The following NSD2 variants were observed in gnomAD, a reference collection of about 807,000 sequenced individuals.
The protein encoded by NSD2 is histone-lysine N-methyltransferase NSD2.
Under a neutral mutation model 139.0 loss-of-function variants are expected in NSD2, and 12 were observed. The ratio of observed to expected loss-of-function variants is 0.09; its 90% confidence interval spans 0.06 to 0.14. NSD2 has a LOEUF of 0.14. Ranked by LOEUF, NSD2 falls within the 10% of genes least tolerant of loss-of-function variation. NSD2 has a pLI of 1.00. For synonymous variants in NSD2, 669 were observed against 648.7 expected, an observed-to-expected ratio of 1.03 and a Z score of -0.48; for missense variants, 1,155 against 1,745.0, an observed-to-expected ratio of 0.66 and a Z score of 6.02.
intron 9 of NSD2, chr4:1,944,797 C>T (rs1405811852): frequency 9.4e-7 from 1 of 1,063,716 alleles, no homozygotes; most frequent in African/African-American, 1.6e-5. Flanking sequence ...TTGGGCCTTT[C>T]CTCAGTGTTC....
intron 5 of NSD2, among the ~76,000 whole-genome samples, chr4:1,925,068 T>C (rs1271286754): frequency 6.6e-6 from 1 of 152,246 alleles, no homozygotes; most frequent in Non-Finnish European, 1.5e-5. Context: ...TTTTCTGTTA[T>C]CGGAAAAGCA....
rs1383971689 is a variant in NSD2 at position 1,958,604 on chromosome 4, C to A, written c.2985+568C>A. ...GCCGCATCCCCAGGAGCCTCGTGGC[C>A]GTTCCTGACGAGTGTTTGTGATAAG... is the stretch of plus-strand genomic sequence containing the variant. On this transcript the variant is annotated intron_variant, in intron 16 of 21. Transcript: ENST00000508803. This position sits in a 1 kb window ranked among gnomAD's most constrained non-coding sequence, Gnocchi z 4.6. Among the ~76,000 whole-genome samples, 155 of 152,256 alleles carry A rather than the reference C, an allele frequency of 1.0e-3. 1 individual carries two copies. Among genetic ancestry groups the A allele is most frequent in the Non-Finnish European group, 2.8e-4 (19 of 68,038 alleles).
chr4:1,966,588 C>T (rs1012535452), intron 18 of NSD2, among the ~76,000 whole-genome samples: 2 of 148,872 alleles, frequency 1.3e-5, no homozygotes, highest in East Asian at 2.0e-4. Context: ...ACCCGGGAGG[C>T]GGAACTTGCA....
At chr4:1,945,114 G>T in intron 9 of NSD2, 1 of 1,066,412 alleles carries the variant, frequency 9.4e-7, no homozygotes, top group Non-Finnish European at 1.1e-6. Flanking sequence ...GAGGATCTCC[G>T]AGAGGTCCCC....
Position 1,956,079 on chromosome 4 carries a change from G to A in NSD2, c.2772G>A (p.Gly924=). The change falls in exon 15 of 22, where the codon GGG becomes GGA. Residue 924 remains glycine (G), a synonymous_variant. Transcript: ENST00000508803. The surrounding 1 kb of genome is among the most constrained non-coding windows in gnomAD (Gnocchi z 5.3). ...EIGEFPVFFF[G]SKDYYWTHQA... is the part of the protein sequence containing the mutation. Reference sequence around the variant, plus strand: ...GAGAATTCCCTGTGTTTTTCTTTGGGTCTAAAGATTATTACTGGACGCATC... The same window carrying A: ...GAGAATTCCCTGTGTTTTTCTTTGGATCTAAAGATTATTACTGGACGCATC... The A allele has an allele frequency of 6.2e-7, 1 of 1,613,948 alleles. No individual in the cohort carries two copies. Among genetic ancestry groups the A allele is most frequent in the Non-Finnish European group, 8.5e-7 (1 of 1,180,024 alleles).
intron 4 of NSD2, 65 bp downstream of exon 4, chr4:1,917,102 T>G: frequency 1.4e-6 from 2 of 1,427,408 alleles, no homozygotes; most frequent in Non-Finnish European, 1.9e-6. Context: ...TAAGTTAACT[T>G]ATTTTTGTTT....
chr4:1,965,750 G>A (rs1262813329), intron 18 of NSD2, among the ~76,000 whole-genome samples: 1 of 152,186 alleles, frequency 6.6e-6, no homozygotes, highest in East Asian at 1.9e-4. Context: ...TGAAGGTGAA[G>A]GGTACCTTTG....
intron 9 of NSD2, chr4:1,944,808 A>C: frequency 3.8e-6 from 4 of 1,063,580 alleles, no homozygotes; most frequent in Non-Finnish European, 4.6e-6. Flanking sequence ...CTCAGTGTTC[A>C]TGCAAAAATT....
At chr4:1,911,604 AAAAG>A (rs1718694185) in intron 3 of NSD2, among the ~76,000 whole-genome samples, 6 of 148,228 alleles carry the variant, frequency 4.0e-5, no homozygotes, top group East Asian at 2.0e-4. Context: ...AAAAAAAAAA[AAAAG>A]AAAAAAAAAA....
chr4:1,940,000 C>G (rs1414649138), intron 9 of NSD2: 1 of 1,408,940 alleles, frequency 7.1e-7, no homozygotes, highest in Non-Finnish European at 9.2e-7. Flanking sequence ...CACACAGTGT[C>G]TGTGTACATG....
At chr4:1,943,710 G>GT in intron 9 of NSD2, 1 of 1,049,886 alleles carries the variant, frequency 9.5e-7, no homozygotes, top group Non-Finnish European at 1.1e-6. Flanking sequence ...AAGCTCAAGA[G>GT]TAAAATTAAA....
chr4:1,892,001 C>G lies in NSD2; in HGVS notation c.-29-8625C>G, dbSNP rs113623930. 1.9e-3 allele frequency among the ~76,000 whole-genome samples: 293 copies of G among 152,134 alleles called. 1 individual carries two copies. The highest frequency in any genetic ancestry group is 6.8e-3 in the African/African-American group (282 of 41,504). On this transcript the variant is annotated intron_variant, in intron 1 of 21. Transcript: ENST00000508803. ...ATTGCCCTCTATGCTTTCTCTTTTC[C>G]TAGCATATCTACTCTTCCTATTTTC... is the stretch of plus-strand genomic sequence containing the variant.
chr4:1,947,911 A>G (rs1723805296), intron 9 of NSD2: 1 of 1,056,186 alleles, frequency 9.5e-7, no homozygotes, highest in Non-Finnish European at 1.1e-6. Flanking sequence ...CTTTGCAGTC[A>G]CAGAAGGTGG....
chr4:1,953,059 G>A (rs920442783), intron 11 of NSD2: 1 of 1,456,820 alleles, frequency 6.9e-7, no homozygotes, highest in African/African-American at 1.4e-5. Context: ...CAGTTAGACT[G>A]GGCCTCCCCA....
chr4:1,875,701 G>C (rs1714199687), intron 1 of NSD2, among the ~76,000 whole-genome samples: 1 of 151,428 alleles, frequency 6.6e-6, no homozygotes, highest in Admixed American at 6.6e-5. Flanking sequence ...AGGAGGTCGA[G>C]ACCATCCTGG....
At chr4:1,877,102 A>G (rs779664157) in intron 1 of NSD2, among the ~76,000 whole-genome samples, 1 of 151,894 alleles carries the variant, frequency 6.6e-6, no homozygotes, top group South Asian at 2.1e-4. Context: ...ATGCTACTGC[A>G]CTCCAGCCTG....
chr4:1,978,516 G>GC (rs1253959748), intron 21 of NSD2, 122 bp from the exon 22 acceptor site: 4 of 1,395,050 alleles, frequency 2.9e-6, no homozygotes, highest in Non-Finnish European at 3.9e-6. Context: ...CGTCCTGTTC[G>GC]CTGGAGCCAG....
At chr4:1,978,568 T>A (rs374524480) in intron 21 of NSD2, 70 bp from the exon 22 acceptor site, 4 of 1,543,496 alleles carry the variant, frequency 2.6e-6, no homozygotes, top group East Asian at 2.3e-5. Flanking sequence ...GTAAGTCATC[T>A]TCAACCACGA....
intron 5 of NSD2, among the ~76,000 whole-genome samples, chr4:1,919,858 C>T (rs1719889547): frequency 6.6e-6 from 1 of 151,850 alleles, no homozygotes; most frequent in Non-Finnish European, 1.5e-5. Flanking sequence ...ATTGCTTGAA[C>T]CAGGGAGTCG....
Sources: allele counts gnomAD v4.1 joint callset (sites outside exome capture counted in the v4.1 genomes callset), GRCh38; gene constraint gnomAD v4.1.1; non-coding constraint Gnocchi (gnomAD v3.1); transcripts MANE v1.5; gene names NCBI Gene and HGNC (gene_info 2026-07-23, HGNC 2026-07-21).